Variants in TDRD1 observed in about 807,000 individuals in gnomAD.
The protein encoded by TDRD1 is tudor domain-containing protein 1.
A neutral mutation model predicts 140.6 loss-of-function variants in TDRD1; 37 were observed. That is an observed-to-expected ratio of 0.26 (90% CI 0.20 to 0.35). The LOEUF (loss-of-function observed/expected upper bound fraction) is 0.35, where lower values mean the gene tolerates loss of function less well. Ranked by LOEUF, TDRD1 falls within the 10% of genes least tolerant of loss-of-function variation. The pLI is 1.00. For synonymous variants in TDRD1, 506 were observed against 475.7 expected, an observed-to-expected ratio of 1.06 and a Z score of -0.83; for missense variants, 1,243 against 1,393.0, an observed-to-expected ratio of 0.89 and a Z score of 1.71.
chr10:114,215,140 G>A (rs919781782), intron 16 of TDRD1, among the ~76,000 whole-genome samples: 1 of 152,172 alleles, frequency 6.6e-6, no homozygotes, highest in Non-Finnish European at 1.5e-5. Context: ...TACACACTAT[G>A]CGAGCTTCTG....
chr10:114,203,523 C>G (rs866823311), exon 8 of TDRD1: 1 of 1,612,728 alleles, frequency 6.2e-7, no homozygotes, highest in South Asian at 1.1e-5. Flanking sequence ...AGACTATATT[C>G]CTGTTAAGGG....
chr10:114,194,512 A>G (rs996982548), intron 3 of TDRD1, among the ~76,000 whole-genome samples: 3 of 152,070 alleles, frequency 2.0e-5, no homozygotes, highest in Non-Finnish European at 4.4e-5. Context: ...TGTCTGTAGT[A>G]ATGTTCCCTA....
exon 20 of TDRD1, chr10:114,221,428 G>A (rs765732209): frequency 6.2e-7 from 1 of 1,613,536 alleles, no homozygotes; most frequent in Non-Finnish European, 8.5e-7. Context: ...AAATGTATTA[G>A]AAATCATAAG....
chr10:114,221,774 A>G (rs961251213), intron 20 of TDRD1, among the ~76,000 whole-genome samples: 5 of 152,238 alleles, frequency 3.3e-5, no homozygotes, highest in Admixed American at 1.3e-4. Flanking sequence ...ATATTGAATC[A>G]TATTTACTGC....
At chr10:114,187,124 A>AAATTTGT (rs2033599600) in intron 1 of TDRD1, among the ~76,000 whole-genome samples, 1 of 152,216 alleles carries the variant, frequency 6.6e-6, no homozygotes, top group Non-Finnish European at 1.5e-5. Flanking sequence ...TTTCTCAGAG[A>AAATTTGT]CACTTTGTGA....
At position 114,213,863 on chromosome 10, in the gene TDRD1, G is replaced by A. The variant is rs2035643251; in HGVS notation, c.2075-114G>A. 1.6e-5 allele frequency: 14 copies of A among 892,622 alleles called. No homozygotes were observed. The South Asian group carries it at 2.0e-4, about 13-fold the overall frequency. The allele number at this position is 892,622 out of a possible 1,614,324, so 55.3% of individuals were successfully genotyped here. A position where few individuals can be genotyped will look rare whatever the true frequency, so the allele number is the denominator to read the frequency against. The stretch of plus-strand genomic sequence containing the variant: ...ACTTTACGGTTAATATTCCTATAAA[G>A]GCACTTAAAAAGTCAGTGGAAATTC... On this transcript the variant is annotated intron_variant, in intron 15 of 25. Transcript: ENST00000251864.
chr10:114,231,854 G>A (rs1324859940), exon 26 of TDRD1: 2 of 233,086 alleles, frequency 8.6e-6, no homozygotes, highest in Admixed American at 1.2e-4. Flanking sequence ...AGGCTGAGGT[G>A]GGAGGATCCC....
chr10:114,183,931 A>G (rs1198275114), intron 1 of TDRD1, among the ~76,000 whole-genome samples: 1 of 151,948 alleles, frequency 6.6e-6, no homozygotes. Context: ...TTTGAACGGG[A>G]CATTTTTATA....
At chr10:114,221,461 C>T (rs2036139926) in exon 20 of TDRD1, 1 of 1,612,498 alleles carries the variant, frequency 6.2e-7, no homozygotes, top group Non-Finnish European at 8.5e-7. Flanking sequence ...TTATGCTCTA[C>T]CAAAAGGGAT....
intron 13 of TDRD1, 42 bp downstream of exon 13, chr10:114,211,009 T>C: frequency 6.8e-7 from 1 of 1,475,050 alleles, no homozygotes; most frequent in Non-Finnish European, 9.2e-7. Context: ...TTATTTTTAT[T>C]TATTTTTTAC....
At chr10:114,228,427 A>T (rs1427062714) in intron 25 of TDRD1, 3 of 1,076,332 alleles carry the variant, frequency 2.8e-6, no homozygotes, top group Non-Finnish European at 3.4e-6. Flanking sequence ...GACTTGTAAA[A>T]CTTGTTGTGA....
chr10:114,175,602 C>A (rs1383157840), upstream of TDRD1, among the ~76,000 whole-genome samples: 2 of 152,096 alleles, frequency 1.3e-5, no homozygotes, highest in African/African-American at 4.8e-5. Context: ...CTTGGCTTCT[C>A]TTGGAGGTTA....
intron 22 of TDRD1, 22 bp from the exon 23 acceptor site, chr10:114,227,050 C>A: frequency 8.0e-7 from 1 of 1,248,646 alleles, no homozygotes. Context: ...GACTAAAAGA[C>A]TATAATATCT....
intron 1 of TDRD1, 91 bp from the exon 2 acceptor site, chr10:114,187,735 G>A (rs557750739): frequency 7.7e-6 from 9 of 1,164,296 alleles, no homozygotes; most frequent in East Asian, 4.7e-5. Flanking sequence ...TATCTGTTAC[G>A]TAAATATATT....
intron 4 of TDRD1, 80 bp downstream of exon 4, chr10:114,199,397 A>G (rs1273613760): frequency 1.3e-6 from 2 of 1,513,976 alleles, no homozygotes; most frequent in Non-Finnish European, 1.8e-6. Context: ...ATGATGAAAC[A>G]TTAAGTGTAA....
At chr10:114,181,480 G>A (rs1051398430) in intron 1 of TDRD1, among the ~76,000 whole-genome samples, 1 of 152,216 alleles carries the variant, frequency 6.6e-6, no homozygotes, top group Non-Finnish European at 1.5e-5. Context: ...CTGCCTACTT[G>A]TGATTCAGAT....
At chr10:114,218,728 T>C (rs1039251043) in intron 18 of TDRD1, 144 bp downstream of exon 18, 1 of 612,168 alleles carries the variant, frequency 1.6e-6, no homozygotes, top group Non-Finnish European at 2.6e-6. Flanking sequence ...ACTTACAATA[T>C]TGACCAAAAA....
In TDRD1 at chr10:114,202,303, G is replaced by T; in HGVS notation, c.696+5G>T. The T allele has an allele frequency of 6.4e-7, 1 of 1,569,474 alleles. No individual in the cohort carries two copies. The highest frequency in any genetic ancestry group is 1.2e-5 in the South Asian group (1 of 83,032). ...GATGTGGAGGTAAACAATAAGGTAT[G>T]GTATACTTTGTCTTTAAATTTTGAA... On this transcript the variant is annotated splice_donor_5th_base_variant and intron_variant, in intron 6 of 25. Coordinates refer to ENST00000251864, the Ensembl canonical transcript of TDRD1.
chr10:114,213,726 G>A (rs1246572936), intron 15 of TDRD1, 138 bp downstream of exon 15: 67 of 889,684 alleles, frequency 7.5e-5, no homozygotes, highest in Non-Finnish European at 6.3e-5. Context: ...CTAAATACTT[G>A]TAAGAATGTT....
Sources: allele counts gnomAD v4.1 joint callset (sites outside exome capture counted in the v4.1 genomes callset), GRCh38; gene constraint gnomAD v4.1.1; transcripts MANE v1.5; gene names NCBI Gene and HGNC (gene_info 2026-07-23, HGNC 2026-07-21).